MGAT5: variants seen among roughly 807,000 people sequenced by gnomAD.
MGAT5 encodes alpha-1,6-mannosylglycoprotein 6-beta-N-acetylglucosaminyltransferase A.
Under a neutral mutation model 94.3 loss-of-function variants are expected in MGAT5, and 30 were observed. The ratio of observed to expected loss-of-function variants is 0.32; its 90% CI spans 0.24 to 0.43. MGAT5 has a LOEUF of 0.43. Among genes scored for constraint, MGAT5 ranks in the 20% least tolerant of loss-of-function variants. The probability of loss-of-function intolerance (pLI) is 1.00; values close to 1 mark genes in which losing one functional copy is unlikely to be tolerated. For synonymous variants in MGAT5, 310 were observed against 322.9 expected (o/e 0.96, Z 0.43); for missense variants, 691 against 905.5 (o/e 0.76, Z 3.04).
At chr2:134,154,672 C>G (rs2139309) in intron 1 of MGAT5, among the ~76,000 whole-genome samples, 33,480 of 152,080 alleles carry the variant, frequency 0.22, 4,820 homozygotes, top group Non-Finnish European at 0.32. Flanking sequence ...AAATCTCATC[C>G]AAGGAAATGG....
At chr2:134,220,168 A>T (rs1412928900) in intron 1 of MGAT5, among the ~76,000 whole-genome samples, 3 of 152,176 alleles carry the variant, frequency 2.0e-5, no homozygotes, top group Admixed American at 6.5e-5. Context: ...GCATGAAATT[A>T]CAGTGTAATA....
At chr2:134,158,786 A>G (rs573192901) in intron 1 of MGAT5, among the ~76,000 whole-genome samples, 3 of 152,040 alleles carry the variant, frequency 2.0e-5, no homozygotes, top group African/African-American at 7.2e-5. Context: ...TGTCTCCCCA[A>G]ATGGATCCCC....
chr2:134,348,164 G>A (rs1336530518), intron 8 of MGAT5, among the ~76,000 whole-genome samples: 1 of 152,162 alleles, frequency 6.6e-6, no homozygotes, highest in Non-Finnish European at 1.5e-5. Context: ...AGTGGAAAGG[G>A]ATGCTCTGAG....
At chr2:134,205,301 G>A (rs1353445689) in intron 1 of MGAT5, among the ~76,000 whole-genome samples, 1 of 152,186 alleles carries the variant, frequency 6.6e-6, no homozygotes, top group African/African-American at 2.4e-5. Context: ...GCTAGAGCAG[G>A]CAGGAAGACG....
chr2:134,374,839 A>T (rs1344759834), intron 10 of MGAT5, among the ~76,000 whole-genome samples: 1 of 152,202 alleles, frequency 6.6e-6, no homozygotes, highest in Non-Finnish European at 1.5e-5. Flanking sequence ...CTAAAAATAC[A>T]TAAATTAACT....
chr2:134,235,266 GTGGTTATCT>G (rs1471688172), intron 1 of MGAT5, among the ~76,000 whole-genome samples: 2 of 152,102 alleles, frequency 1.3e-5, no homozygotes, highest in African/African-American at 4.8e-5. Flanking sequence ...GCCTGGGAAG[GTGGTTATCT>G]TAGATCAATA....
At position 134,254,461 on chromosome 2, in the gene MGAT5, A is replaced by T. The variant is rs749127602; in HGVS notation, c.58A>T (p.Thr20Ser). 1.9e-6 allele frequency: 3 copies of T among 1,614,178 alleles called. No homozygotes were observed. The highest frequency in any genetic ancestry group is 2.5e-6 in the Non-Finnish European group (3 of 1,180,022). The change falls in exon 1 of 16, where the codon ACT becomes TCT. Residue 20 changes from threonine (T) to serine (S), a missense_variant. Physicochemically the swap from Thr to Ser is moderately conservative, Grantham distance 58. Transcript: ENST00000281923. Reference sequence around the variant, plus strand: ...TCAGAAGCTGGGCTTTTTCCTGGTGACTTTTGGCTTCATTTGGGGTATGAT... The same window carrying T: ...TCAGAAGCTGGGCTTTTTCCTGGTGTCTTTTGGCTTCATTTGGGGTATGAT... ...SSQKLGFFLV[T>S]FGFIWGMMLL...
At chr2:134,332,424 T>C (rs927707598) in intron 4 of MGAT5, among the ~76,000 whole-genome samples, 3 of 152,098 alleles carry the variant, frequency 2.0e-5, no homozygotes, top group Non-Finnish European at 4.4e-5. Flanking sequence ...TTACACCTTA[T>C]ACAAAAATTA....
intron 9 of MGAT5, among the ~76,000 whole-genome samples, chr2:134,359,976 G>C (rs1479522371): frequency 6.6e-6 from 1 of 152,142 alleles, no homozygotes; most frequent in Non-Finnish European, 1.5e-5. Context: ...TTAGTGTCCT[G>C]TGGCAAGTTT....
rs774103017 is a variant in MGAT5, at chr2:134,448,847, G to A, written c.2226G>A (p.Ter742=). The A allele has an allele frequency of 9.9e-6, 16 of 1,612,206 alleles. No individual in the cohort carries two copies. Among genetic ancestry groups the A allele is most frequent in the African/African-American group, 1.3e-5 (1 of 74,906 alleles). ...GQVALCKDCL[*] Reference sequence around the variant, plus strand: ...TGGCTCTCTGCAAAGACTGCCTATAGCAGCTACCTGCTCAGCCCTGCACCA... The same window carrying A: ...TGGCTCTCTGCAAAGACTGCCTATAACAGCTACCTGCTCAGCCCTGCACCA... The change falls in exon 16 of 16, where the codon TAG becomes TAA. Residue 742 remains the stop codon, a stop_retained_variant. Coordinates refer to ENST00000281923, the MANE Select transcript of MGAT5 (RefSeq NM_002410.5).
chr2:134,311,779 A>G (rs1016091823), intron 2 of MGAT5, among the ~76,000 whole-genome samples: 6 of 152,174 alleles, frequency 3.9e-5, no homozygotes, highest in African/African-American at 1.4e-4. Context: ...TGAATGTTTT[A>G]TGATGCCGCG....
intron 2 of MGAT5, among the ~76,000 whole-genome samples, chr2:134,296,873 A>G (rs1288028466): frequency 1.3e-5 from 2 of 152,182 alleles, no homozygotes; most frequent in African/African-American, 4.8e-5. Context: ...GATGACATGG[A>G]AAAATTCCTA....
At chr2:134,159,279 C>T (rs111809587) in intron 1 of MGAT5, among the ~76,000 whole-genome samples, 3,337 of 150,948 alleles carry the variant, frequency 0.022, 59 homozygotes, top group Non-Finnish European at 0.03. Flanking sequence ...TTCATCCATC[C>T]CTTCCCTTCT....
At chr2:134,132,607 A>G (rs1276438130) in intron 1 of MGAT5, among the ~76,000 whole-genome samples, 1 of 152,258 alleles carries the variant, frequency 6.6e-6, no homozygotes, top group Non-Finnish European at 1.5e-5. Flanking sequence ...TCACACTACA[A>G]TGGCAGAGGC....
chr2:134,394,393 A>G (rs560836228), intron 10 of MGAT5, among the ~76,000 whole-genome samples: 34 of 152,330 alleles, frequency 2.2e-4, no homozygotes, highest in African/African-American at 6.5e-4. Context: ...GTAAAGATCA[A>G]TTGACATCTG....
intron 1 of MGAT5, among the ~76,000 whole-genome samples, chr2:134,266,882 G>A (rs1480589568): frequency 6.6e-6 from 1 of 152,216 alleles, no homozygotes; most frequent in Non-Finnish European, 1.5e-5. Flanking sequence ...CCTAGGTAAA[G>A]TGCTTAGAGA....
chr2:134,364,530 C>T (rs1342870798), intron 10 of MGAT5, among the ~76,000 whole-genome samples: 1 of 151,766 alleles, frequency 6.6e-6, no homozygotes, highest in Non-Finnish European at 1.5e-5. Context: ...AAACCATTAA[C>T]CATGTTGCTC....
intron 1 of MGAT5, among the ~76,000 whole-genome samples, chr2:134,169,387 TACACACACACACACACACACACACAGAC>T (rs1208960203): frequency 3.6e-5 from 5 of 138,766 alleles, no homozygotes; most frequent in African/African-American, 1.1e-4. Flanking sequence ...AATTTAAAAA[TACACACACACACACACACACACACAGAC>T]ACACACACAC....
At chr2:134,295,192 C>T (rs1288813407) in intron 2 of MGAT5, among the ~76,000 whole-genome samples, 1 of 149,854 alleles carries the variant, frequency 6.7e-6, no homozygotes, top group Non-Finnish European at 1.5e-5. Flanking sequence ...CATTTGATGG[C>T]TCTTCAGTGG....
Sources: gnomAD v4.1 joint callset for allele counts (sites outside exome capture counted in the v4.1 genomes callset) on GRCh38, gnomAD v4.1.1 for gene constraint, MANE v1.5 for transcripts, NCBI Gene and HGNC (gene_info 2026-07-23, HGNC 2026-07-21) for gene names.